LIMCH1: variants seen among roughly 807,000 people sequenced by gnomAD.
The protein encoded by LIMCH1 is LIM and calponin homology domains-containing protein 1.
In LIMCH1, 113 loss-of-function variants were observed where a neutral mutation model predicts 176.5. That is an observed-to-expected ratio of 0.64 (90% CI 0.55 to 0.75). The LOEUF (loss-of-function observed/expected upper bound fraction) is 0.75, where lower values mean the gene tolerates loss of function less well. Ranked by LOEUF, LIMCH1 falls within the 30% of genes least tolerant of loss-of-function variation. The pLI is 0.00. For missense variants in LIMCH1, 1,674 were observed against 1,814.9 expected, an observed-to-expected ratio of 0.92 and a Z score of 1.41; for synonymous variants, 619 against 645.9, an observed-to-expected ratio of 0.96 and a Z score of 0.63.
intron 13 of LIMCH1, among the ~76,000 whole-genome samples, chr4:41,637,539 G>C (rs1447849608): frequency 1.3e-5 from 2 of 152,220 alleles, no homozygotes; most frequent in Non-Finnish European, 2.9e-5. Context: ...CAATGCAGTA[G>C]TGTTTTTGAA....
intron 1 of LIMCH1, among the ~76,000 whole-genome samples, chr4:41,583,925 GT>G (rs971955802): frequency 2.6e-5 from 4 of 151,508 alleles, no homozygotes; most frequent in African/African-American, 4.8e-5. Context: ...TTTGTTTTGG[GT>G]TTTTTTTTAT....
chr4:41,574,812 G>A (rs904579064), intron 1 of LIMCH1, among the ~76,000 whole-genome samples: 2 of 152,158 alleles, frequency 1.3e-5, no homozygotes, highest in Non-Finnish European at 2.9e-5. Context: ...TTGGGGGTAG[G>A]TTTAAATCCC....
chr4:41,513,349 C>T (rs1739405849), intron 2 of LIMCH1, among the ~76,000 whole-genome samples: 1 of 152,178 alleles, frequency 6.6e-6, no homozygotes, highest in Admixed American at 6.5e-5. Context: ...AGAATGTATT[C>T]CCCAGTCCTC....
chr4:41,638,106 TTG>T (rs1562028054), intron 13 of LIMCH1, among the ~76,000 whole-genome samples: 20 of 138,156 alleles, frequency 1.4e-4, no homozygotes, highest in African/African-American at 5.4e-4. Context: ...TGTTGTTTTG[TTG>T]TTGTTGTTGT....
intron 14 of LIMCH1, among the ~76,000 whole-genome samples, chr4:41,641,448 T>A (rs188692559): frequency 1.1e-3 from 169 of 148,756 alleles, no homozygotes; most frequent in Admixed American, 3.0e-3. Flanking sequence ...TTGGCCAGTT[T>A]GCTGATATTT....
chr4:41,684,567 A>T, intron 27 of LIMCH1, 49 bp downstream of exon 27: 2 of 1,597,304 alleles, frequency 1.3e-6, no homozygotes, highest in Non-Finnish European at 1.7e-6. Flanking sequence ...TTGTTGTAAG[A>T]CCCCCACATT....
chr4:41,687,847 C>A lies in LIMCH1; in HGVS notation c.4096C>A (p.Pro1366Thr). The A allele has an allele frequency of 2.5e-6, 4 of 1,612,810 alleles. No homozygotes were observed. The highest frequency in any genetic ancestry group is 2.5e-6 in the Non-Finnish European group (3 of 1,179,088). ...TCCTTTACCACATTACAGGAAAAGT[C>A]CCCGAGAGCACTTCCAGGCTGGGCC... ...ESPSERRKKS[P>T]REHFQAGPFS... Residue 1366 changes from proline (P) to threonine (T), a missense_variant, in exon 29 of 32, where the codon CCC (proline) becomes ACC (threonine). By Grantham distance (38) the Pro-to-Thr change is conservative (BLOSUM62 -1). This residue lies in a region of LIMCH1 where 1,015 missense variants were observed against 1,102.5 expected (regional missense o/e 0.92). Coordinates refer to ENST00000503057, the MANE Select transcript of LIMCH1 (RefSeq NM_001330672.2).
At chr4:41,685,916 G>T in intron 28 of LIMCH1, 86 bp downstream of exon 28, 1 of 1,417,750 alleles carries the variant, frequency 7.1e-7, no homozygotes, top group East Asian at 2.4e-5. Context: ...AATGTGAGAT[G>T]GCAAGAGGAC....
At chr4:41,619,136 A>G in intron 5 of LIMCH1, 52 bp from the exon 6 acceptor site, 1 of 1,602,818 alleles carries the variant, frequency 6.2e-7, no homozygotes, top group Admixed American at 1.7e-5. Flanking sequence ...TAACATTGGG[A>G]ACTTTCTGCT....
chr4:41,666,531 C>G lies in LIMCH1; in HGVS notation c.3292-30C>G, dbSNP rs183616053. The G allele has an allele frequency of 5.3e-5, 75 of 1,418,954 alleles. No homozygotes were observed. The African/African-American group carries it at 8.6e-4, about 16-fold the overall frequency. 87.9% of individuals were successfully genotyped at this position (1,418,954 alleles called of 1,614,324 possible). On this transcript the variant is annotated intron_variant, in intron 20 of 31. Transcript: ENST00000503057. ...TGCATTTATCAATGGACAGTTCTTG[C>G]AATATTTATACCTGTTTTCCATTGT...
intron 1 of LIMCH1, among the ~76,000 whole-genome samples, chr4:41,413,273 G>GT (rs1347513021): frequency 1.3e-5 from 2 of 148,526 alleles, no homozygotes; most frequent in East Asian, 4.0e-4. Context: ...TAACTTCCAG[G>GT]TAAGTTACCT....
chr4:41,670,942 AC>A, intron 21 of LIMCH1: 1 of 1,376,616 alleles, frequency 7.3e-7, no homozygotes, highest in Non-Finnish European at 9.4e-7. Flanking sequence ...CTTTTATATT[AC>A]TACCAGTTAT....
Position 41,552,012 on chromosome 4 carries a change from G to C in LIMCH1, c.-241+13662G>C, listed in dbSNP as rs538621840. Among the ~76,000 whole-genome samples, 10 of 152,288 alleles carry C rather than the reference G, an allele frequency of 6.6e-5. No individual in the cohort carries two copies. In the South Asian group the frequency reaches 2.1e-3, roughly 32 times the overall value. ...ATGGACGAACAGTTCCGCATGGCTG[G>C]GGAGGCCTCACAATCATGGCAGAAG... On this transcript the variant is annotated intron_variant, in intron 1 of 31. Coordinates refer to ENST00000503057, the MANE Select transcript of LIMCH1 (RefSeq NM_001330672.2).
intron 1 of LIMCH1, among the ~76,000 whole-genome samples, chr4:41,466,805 G>A (rs760621934): frequency 3.9e-5 from 6 of 151,986 alleles, no homozygotes; most frequent in Non-Finnish European, 8.8e-5. Context: ...CTATTTTTAA[G>A]TGTGTAGTTC....
At chr4:41,509,059 A>G (rs2074517197) in intron 2 of LIMCH1, among the ~76,000 whole-genome samples, 1 of 152,218 alleles carries the variant, frequency 6.6e-6, no homozygotes, top group East Asian at 1.9e-4. Flanking sequence ...TAGAGCAACA[A>G]TACAACCTGT....
At chr4:41,467,219 T>C (rs370040035) in intron 1 of LIMCH1, among the ~76,000 whole-genome samples, 12 of 151,192 alleles carry the variant, frequency 7.9e-5, no homozygotes, top group East Asian at 7.8e-4. Context: ...TATTTATCCA[T>C]GCATCCATCA....
intron 1 of LIMCH1, among the ~76,000 whole-genome samples, chr4:41,404,959 G>C (rs1280101753): frequency 6.6e-6 from 1 of 151,944 alleles, no homozygotes; most frequent in Non-Finnish European, 1.5e-5. Flanking sequence ...ATATTTTATT[G>C]ATTTTGCTTT....
intron 2 of LIMCH1, among the ~76,000 whole-genome samples, chr4:41,497,365 C>T (rs2072372770): frequency 6.6e-6 from 1 of 151,968 alleles, no homozygotes; most frequent in Admixed American, 6.6e-5. Context: ...AGGATACCTT[C>T]TGGTCCTGGG....
chr4:41,460,765 C>T (rs2065258888), intron 1 of LIMCH1, among the ~76,000 whole-genome samples: 1 of 151,980 alleles, frequency 6.6e-6, no homozygotes, highest in Non-Finnish European at 1.5e-5. Context: ...TTTGGCTTTT[C>T]CTCTTATAGA....
Sources: allele counts gnomAD v4.1 joint callset (sites outside exome capture counted in the v4.1 genomes callset), GRCh38; gene constraint gnomAD v4.1.1; regional missense constraint gnomAD v4.1.1; transcripts MANE v1.5; gene names NCBI Gene and HGNC (gene_info 2026-07-23, HGNC 2026-07-21).